LUZP2: variants seen among roughly 807,000 people sequenced by gnomAD.
LUZP2 encodes the protein leucine zipper protein 2.
In LUZP2, 52 loss-of-function variants were observed where a neutral mutation model predicts 51.6. That is an observed-to-expected ratio of 1.01 (90% CI 0.81 to 1.27). The LOEUF is 1.27. Ranked by LOEUF, LUZP2 falls within the 50% of genes most tolerant of loss-of-function variation. The pLI is 0.00. For synonymous variants in LUZP2, 154 were observed against 137.3 expected, an observed-to-expected ratio of 1.12 and a Z score of -0.85; for missense variants, 436 against 395.4, an observed-to-expected ratio of 1.10 and a Z score of -0.87.
At chr11:24,910,869 C>T (rs570442332) in intron 6 of LUZP2, among the ~76,000 whole-genome samples, 4 of 152,230 alleles carry the variant, frequency 2.6e-5, no homozygotes, top group Admixed American at 6.5e-5. Context: ...CAACTTGCAC[C>T]GTGCACCTGG....
At chr11:24,643,556 A>G (rs1178713547) in intron 1 of LUZP2, among the ~76,000 whole-genome samples, 1 of 152,106 alleles carries the variant, frequency 6.6e-6, no homozygotes, top group Non-Finnish European at 1.5e-5. Flanking sequence ...CCCCTTTAAA[A>G]CTTCTTCCTG....
intron 7 of LUZP2, among the ~76,000 whole-genome samples, chr11:24,955,225 T>A (rs1003908667): frequency 1.3e-5 from 2 of 151,988 alleles, no homozygotes; most frequent in African/African-American, 2.4e-5. Flanking sequence ...TTTGAAGACT[T>A]TTTTGTCTAT....
rs545929462 is a variant in LUZP2, at chr11:24,720,768, G to A, written c.63-8401G>A. On this transcript the variant is annotated intron_variant, in intron 1 of 11. Coordinates refer to ENST00000336930, the MANE Select transcript of LUZP2 (RefSeq NM_001009909.4). ...GGCTGGAGTGCAGTGGCGCGATCTC[G>A]GCTTACCGCAAGCTCTGCCTCCCGG... is the stretch of plus-strand genomic sequence containing the variant. Among the ~76,000 whole-genome samples, 7 of 152,222 alleles carry A rather than the reference G, an allele frequency of 4.6e-5. No homozygotes were observed. The East Asian group carries it at 9.7e-4, about 21-fold the overall frequency.
chr11:24,814,222 A>G (rs1850105829), intron 5 of LUZP2, among the ~76,000 whole-genome samples: 1 of 152,222 alleles, frequency 6.6e-6, no homozygotes. Context: ...TCTGACACAT[A>G]GTAGAAGTTG....
chr11:24,959,979 A>G (rs1378155940), intron 7 of LUZP2, among the ~76,000 whole-genome samples: 1 of 152,194 alleles, frequency 6.6e-6, no homozygotes, highest in Non-Finnish European at 1.5e-5. Context: ...AATTTTGTCA[A>G]AAGCCTTTTC....
chr11:25,042,399 C>G (rs552044976), intron 9 of LUZP2, among the ~76,000 whole-genome samples: 1 of 152,068 alleles, frequency 6.6e-6, no homozygotes, highest in Non-Finnish European at 1.5e-5. Context: ...AGGCTTCAAA[C>G]TTTTTATCAG....
chr11:24,557,259 A>G (rs1436490292), intron 1 of LUZP2, among the ~76,000 whole-genome samples: 1 of 152,176 alleles, frequency 6.6e-6, no homozygotes, highest in Admixed American at 6.6e-5. Context: ...ATAATAATAT[A>G]CATTATTGAA....
At chr11:24,889,352 A>G (rs1852774987) in intron 5 of LUZP2, among the ~76,000 whole-genome samples, 1 of 152,184 alleles carries the variant, frequency 6.6e-6, no homozygotes, top group African/African-American at 2.4e-5. Context: ...GGCTTTATCA[A>G]GGTGAGGAGG....
At chr11:24,657,588 A>G (rs1280326328) in intron 1 of LUZP2, among the ~76,000 whole-genome samples, 2 of 152,182 alleles carry the variant, frequency 1.3e-5, no homozygotes, top group Non-Finnish European at 2.9e-5. Context: ...GCAATCATGC[A>G]GGAGAAGGAA....
chr11:25,016,291 CCT>C (rs1480842484), intron 9 of LUZP2, among the ~76,000 whole-genome samples: 1 of 151,870 alleles, frequency 6.6e-6, no homozygotes, highest in South Asian at 2.1e-4. Context: ...ATTATTTATC[CCT>C]CACCCTTCTT....
intron 9 of LUZP2, among the ~76,000 whole-genome samples, chr11:25,016,437 G>C (rs970720583): frequency 2.6e-5 from 4 of 151,850 alleles, no homozygotes; most frequent in African/African-American, 9.7e-5. Context: ...ACTTCACTTA[G>C]AGTAATGACC....
chr11:24,876,091 G>T (rs1364187596), intron 5 of LUZP2, among the ~76,000 whole-genome samples: 3 of 151,800 alleles, frequency 2.0e-5, no homozygotes, highest in African/African-American at 4.8e-5. Flanking sequence ...TTGCTGTGCA[G>T]AAGCTCTTGA....
chr11:24,748,599 A>G (rs1859464658), intron 4 of LUZP2, among the ~76,000 whole-genome samples: 1 of 151,922 alleles, frequency 6.6e-6, no homozygotes, highest in African/African-American at 2.4e-5. Context: ...AACTGGGACT[A>G]CTGGCGCGTG....
chr11:24,907,286 A>G (rs1853485804), intron 6 of LUZP2, among the ~76,000 whole-genome samples: 1 of 135,824 alleles, frequency 7.4e-6, no homozygotes, highest in African/African-American at 2.5e-5. Context: ...AGAAAAAATC[A>G]TTAACACAAA....
At chr11:24,515,327 A>G (rs1467413919) in intron 1 of LUZP2, among the ~76,000 whole-genome samples, 1 of 151,982 alleles carries the variant, frequency 6.6e-6, no homozygotes, top group Non-Finnish European at 1.5e-5. Context: ...TACTGAGCTG[A>G]AAGACCCCAT....
intron 4 of LUZP2, among the ~76,000 whole-genome samples, chr11:24,758,345 G>GTGTA (rs1554986164): frequency 2.6e-5 from 4 of 151,786 alleles, no homozygotes; most frequent in African/African-American, 9.7e-5. Context: ...GTGTGTGTGT[G>GTGTA]TGTACATGTG....
At chr11:24,538,576 G>T (rs1205609531) in intron 1 of LUZP2, among the ~76,000 whole-genome samples, 1 of 151,244 alleles carries the variant, frequency 6.6e-6, no homozygotes, top group African/African-American at 2.4e-5. Flanking sequence ...AGGCTAAAAT[G>T]AACTATTCTA....
chr11:24,566,111 A>G (rs1405313774), intron 1 of LUZP2, among the ~76,000 whole-genome samples: 1 of 151,796 alleles, frequency 6.6e-6, no homozygotes, highest in Non-Finnish European at 1.5e-5. Flanking sequence ...CATGAAAATA[A>G]AGCAGGCAAC....
At chr11:24,805,941 T>C (rs1395782277) in intron 5 of LUZP2, among the ~76,000 whole-genome samples, 3 of 152,148 alleles carry the variant, frequency 2.0e-5, no homozygotes, top group African/African-American at 7.2e-5. Context: ...ATTCCACATT[T>C]CTGTCCTGCA....
Sources: gnomAD v4.1 joint callset for allele counts (sites outside exome capture counted in the v4.1 genomes callset) on GRCh38, gnomAD v4.1.1 for gene constraint, MANE v1.5 for transcripts, NCBI Gene and HGNC (gene_info 2026-07-23, HGNC 2026-07-21) for gene names.